The following REC114 variants were observed in gnomAD, a reference collection of about 807,000 sequenced individuals.
REC114 encodes meiotic recombination protein REC114.
REC114 carries 27 observed loss-of-function variants against 31.3 expected under a neutral mutation model. The observed-to-expected ratio is 0.86, with a 90% CI of 0.64 to 1.19. The LOEUF is 1.19. Among genes scored for constraint, REC114 ranks in the 50% most tolerant of loss-of-function variants. The pLI, the probability that REC114 is intolerant of heterozygous loss-of-function variation, is 0.00. For synonymous variants in REC114, 134 were observed against 127.7 expected (o/e 1.05, Z -0.33); for missense variants, 344 against 326.9 (o/e 1.05, Z -0.40).
At chr15:73,532,504 A>G (rs1894099600) in intron 2 of REC114, among the ~76,000 whole-genome samples, 1 of 151,270 alleles carries the variant, frequency 6.6e-6, no homozygotes, top group African/African-American at 2.4e-5. Flanking sequence ...ATACCCAGTA[A>G]TGGGATGGCT....
At chr15:73,484,745 C>T (rs911930873) in intron 2 of REC114, among the ~76,000 whole-genome samples, 3 of 152,166 alleles carry the variant, frequency 2.0e-5, no homozygotes, top group Non-Finnish European at 2.9e-5. Flanking sequence ...AGTGTCTTTA[C>T]CTAGATATAA....
chr15:73,447,445 T>C (rs1368062089), intron 1 of REC114, among the ~76,000 whole-genome samples: 2 of 152,132 alleles, frequency 1.3e-5, no homozygotes, highest in Admixed American at 1.3e-4. Flanking sequence ...GGCTTATCCC[T>C]GTAATCCCAG....
intron 2 of REC114, among the ~76,000 whole-genome samples, chr15:73,476,634 G>C (rs1025687684): frequency 6.6e-6 from 1 of 152,178 alleles, no homozygotes; most frequent in Non-Finnish European, 1.5e-5. Flanking sequence ...GGAATCATAT[G>C]ATATGTAGTC....
intron 1 of REC114, among the ~76,000 whole-genome samples, chr15:73,448,910 G>A (rs1305001155): frequency 6.6e-6 from 1 of 152,150 alleles, no homozygotes; most frequent in Non-Finnish European, 1.5e-5. Context: ...GGGCCTGACT[G>A]TTAGAAGGAA....
intron 3 of REC114, among the ~76,000 whole-genome samples, chr15:73,543,584 C>T (rs1284785663): frequency 6.6e-6 from 1 of 152,150 alleles, no homozygotes; most frequent in African/African-American, 2.4e-5. Context: ...CCGCCTCGGC[C>T]TCCCAAAGTG....
At chr15:73,477,992 G>A (rs1893237449) in intron 2 of REC114, among the ~76,000 whole-genome samples, 1 of 151,950 alleles carries the variant, frequency 6.6e-6, no homozygotes, top group Admixed American at 6.6e-5. Flanking sequence ...GGCCGGGCGT[G>A]GTGGCTCACG....
chr15:73,459,046 T>A (rs1595860490), intron 1 of REC114, among the ~76,000 whole-genome samples: 1 of 152,320 alleles, frequency 6.6e-6, no homozygotes, highest in East Asian at 1.9e-4. Context: ...AATTATTGTA[T>A]GTTAATACCT....
chr15:73,468,406 T>C (rs1342620839), intron 1 of REC114, among the ~76,000 whole-genome samples: 1 of 152,200 alleles, frequency 6.6e-6, no homozygotes, highest in East Asian at 1.9e-4. Flanking sequence ...GTAAATGCAA[T>C]TGGTTTTTAT....
intron 4 of REC114, among the ~76,000 whole-genome samples, chr15:73,551,567 T>A (rs2062104682): frequency 6.6e-6 from 1 of 152,188 alleles, no homozygotes; most frequent in South Asian, 2.1e-4. Context: ...GGCACCAAAC[T>A]GTACTAATAG....
chr15:73,525,853 A>G (rs1339642045), intron 2 of REC114, among the ~76,000 whole-genome samples: 1 of 152,032 alleles, frequency 6.6e-6, no homozygotes, highest in African/African-American at 2.4e-5. Context: ...CAGATCAAGT[A>G]GGTTGATTGT....
At chr15:73,493,748 T>C (rs928367742) in intron 2 of REC114, among the ~76,000 whole-genome samples, 3 of 152,236 alleles carry the variant, frequency 2.0e-5, no homozygotes, top group African/African-American at 7.2e-5. Flanking sequence ...ATTTCTTCTG[T>C]AAGGAATCAG....
At chr15:73,470,101 G>A (rs1455391545) in intron 1 of REC114, among the ~76,000 whole-genome samples, 1 of 152,026 alleles carries the variant, frequency 6.6e-6, no homozygotes, top group Admixed American at 6.5e-5. Flanking sequence ...TTTAATTGAG[G>A]TGTTTACATT....
In REC114 at chr15:73,556,493, T is replaced by TA. The variant is rs1453004903; in HGVS notation, c.636+105dup. 7 of 962,784 alleles carry TA rather than the reference T, an allele frequency of 7.3e-6. No individual in the cohort carries two copies. The African/African-American group carries it at 1.2e-4, about 16-fold the overall frequency. The allele number at this position is 962,784 out of a possible 1,614,324, so 59.6% of individuals were successfully genotyped here. Reference sequence around the variant, plus strand: ...TTCTTTGTTTTAGGAGAGAAACTTCTAAAGCATTACTCTAAAAGGTGATAG... The same window carrying TA: ...TTCTTTGTTTTAGGAGAGAAACTTCTAAAAGCATTACTCTAAAAGGTGATAG... On this transcript the variant is annotated intron_variant, in intron 5 of 5. Coordinates refer to ENST00000331090, the MANE Select transcript of REC114 (RefSeq NM_001042367.2).
chr15:73,555,680 G>GT (rs748048973), intron 4 of REC114, among the ~76,000 whole-genome samples: 3 of 152,014 alleles, frequency 2.0e-5, no homozygotes, highest in South Asian at 4.1e-4. Flanking sequence ...TCCTATCCCC[G>GT]TACCACCCCA....
intron 4 of REC114, 115 bp downstream of exon 4, chr15:73,551,265 C>A (rs1894389045): frequency 4.8e-6 from 5 of 1,052,078 alleles, no homozygotes; most frequent in Admixed American, 4.8e-5. Flanking sequence ...TAAAAAACAT[C>A]TATGTTCGGT....
intron 2 of REC114, among the ~76,000 whole-genome samples, chr15:73,506,219 A>G (rs1893674625): frequency 6.6e-6 from 1 of 152,302 alleles, no homozygotes; most frequent in African/African-American, 2.4e-5. Context: ...CTGATCTTTT[A>G]TCACATATAT....
intron 2 of REC114, among the ~76,000 whole-genome samples, chr15:73,528,023 C>G (rs1894028865): frequency 6.6e-6 from 1 of 151,996 alleles, no homozygotes; most frequent in Non-Finnish European, 1.5e-5. Context: ...ATCGAAACAG[C>G]AAATATATTT....
At chr15:73,459,466 A>G (rs930543445) in intron 1 of REC114, among the ~76,000 whole-genome samples, 6 of 152,130 alleles carry the variant, frequency 3.9e-5, no homozygotes, top group Non-Finnish European at 7.3e-5. Context: ...TCCTGACCTC[A>G]GATGATCCAC....
chr15:73,496,010 A>C (rs1184659885), intron 2 of REC114, among the ~76,000 whole-genome samples: 1 of 152,152 alleles, frequency 6.6e-6, no homozygotes, highest in African/African-American at 2.4e-5. Flanking sequence ...ATGCTCTAGC[A>C]GCATAATATT....
Sources: allele counts gnomAD v4.1 joint callset (sites outside exome capture counted in the v4.1 genomes callset), GRCh38; gene constraint gnomAD v4.1.1; transcripts MANE v1.5; gene names NCBI Gene and HGNC (gene_info 2026-07-23, HGNC 2026-07-21).